Variants in GRIA4 observed in about 807,000 individuals in gnomAD.
The protein encoded by GRIA4 is glutamate ionotropic receptor AMPA type subunit 4.
A neutral mutation model predicts 104.0 loss-of-function variants in GRIA4; 34 were observed. The ratio of observed to expected loss-of-function variants is 0.33; its 90% CI spans 0.25 to 0.44. GRIA4 has a LOEUF of 0.44. Among genes scored for constraint, GRIA4 ranks in the 20% least tolerant of loss-of-function variants. GRIA4 has a pLI of 1.00. For synonymous variants in GRIA4, 386 were observed against 381.9 expected (o/e 1.01, Z -0.13); for missense variants, 750 against 1,096.5 (o/e 0.68, Z 4.46).
chr11:105,692,560 A>G (rs1383540546), intron 3 of GRIA4, among the ~76,000 whole-genome samples: 1 of 152,252 alleles, frequency 6.6e-6, no homozygotes, highest in East Asian at 1.9e-4. Context: ...TCGAAAGGAT[A>G]GCTCACCATA....
intron 4 of GRIA4, among the ~76,000 whole-genome samples, chr11:105,776,390 C>T (rs1054515585): frequency 1.3e-5 from 2 of 152,090 alleles, no homozygotes; most frequent in Non-Finnish European, 2.9e-5. Flanking sequence ...ATGAATATAT[C>T]AAACTTGTTT....
intron 3 of GRIA4, among the ~76,000 whole-genome samples, chr11:105,720,092 A>G (rs1256898332): frequency 6.6e-6 from 1 of 151,818 alleles, no homozygotes; most frequent in African/African-American, 2.4e-5. Flanking sequence ...ATGTGTCAAT[A>G]TGCCAACTTT....
chr11:105,783,744 TTGTGTGTGTGTGTGTGTGTGTGTGTG>T (rs56222983), intron 4 of GRIA4, among the ~76,000 whole-genome samples: 1 of 145,376 alleles, frequency 6.9e-6, no homozygotes, highest in African/African-American at 2.6e-5. Flanking sequence ...TGGATGTTAT[TTGTGTGTGTGTGTGTGTGTGTGTGTG>T]TGTGTGTGTG....
chr11:105,813,026 G>T (rs910311732), intron 4 of GRIA4, among the ~76,000 whole-genome samples: 1 of 149,418 alleles, frequency 6.7e-6, no homozygotes, highest in African/African-American at 2.5e-5. Context: ...CCTGGGAGGC[G>T]GAGCTTGCAG....
chr11:105,870,176 G>A (rs1033202616), intron 5 of GRIA4, among the ~76,000 whole-genome samples: 2 of 150,648 alleles, frequency 1.3e-5, no homozygotes, highest in African/African-American at 2.4e-5. Flanking sequence ...GTGCATGTGT[G>A]ATGAAATATA....
chr11:105,611,681 G>C (rs757836898), intron 2 of GRIA4, among the ~76,000 whole-genome samples: 4 of 152,010 alleles, frequency 2.6e-5, no homozygotes, highest in Non-Finnish European at 4.4e-5. Flanking sequence ...TCTGTTTCCA[G>C]GGACACCCTC....
rs34312836 is a variant in GRIA4, at chr11:105,752,961, T to G, written c.248-20T>G. 2 of 1,607,292 alleles carry G rather than the reference T, an allele frequency of 1.2e-6. No homozygotes were observed. Among genetic ancestry groups the G allele is most frequent in the East Asian group, 2.2e-5 (1 of 44,714 alleles). Reference sequence around the variant, plus strand: ...TTGAGTGTGCTAATAGTTTGTGGTGTTTTCTTCCTCTTGTTTCAGTCTGTT... The same window carrying G: ...TTGAGTGTGCTAATAGTTTGTGGTGGTTTCTTCCTCTTGTTTCAGTCTGTT... On this transcript the variant is annotated intron_variant, in intron 3 of 16. Transcript: ENST00000282499.
At chr11:105,975,118 T>A (rs1463664140) in intron 16 of GRIA4, among the ~76,000 whole-genome samples, 1 of 152,186 alleles carries the variant, frequency 6.6e-6, no homozygotes, top group Non-Finnish European at 1.5e-5. Flanking sequence ...AAATCCCACT[T>A]TTTATTTACC....
intron 4 of GRIA4, among the ~76,000 whole-genome samples, chr11:105,822,638 T>C (rs1159766798): frequency 2.0e-5 from 3 of 152,122 alleles, no homozygotes; most frequent in African/African-American, 7.2e-5. Flanking sequence ...TAAATTTTGT[T>C]TTGCTTTGGT....
chr11:105,662,983 CA>C (rs1221228405), intron 3 of GRIA4, among the ~76,000 whole-genome samples: 1 of 151,784 alleles, frequency 6.6e-6, no homozygotes, highest in Non-Finnish European at 1.5e-5. Context: ...AAGAGTATCT[CA>C]AAACCAGTGA....
chr11:105,632,567 T>C (rs1031776296), intron 3 of GRIA4, among the ~76,000 whole-genome samples: 7 of 152,336 alleles, frequency 4.6e-5, no homozygotes, highest in South Asian at 2.1e-4. Context: ...GTCTAAGTTA[T>C]AAATTAATGG....
chr11:105,691,528 A>T (rs1225502838), intron 3 of GRIA4, among the ~76,000 whole-genome samples: 3 of 152,314 alleles, frequency 2.0e-5, no homozygotes, highest in Non-Finnish European at 4.4e-5. Context: ...ACTATGCCTC[A>T]GTTTCCCCAT....
At chr11:105,685,909 A>AT (rs1952865856) in intron 3 of GRIA4, among the ~76,000 whole-genome samples, 1 of 152,130 alleles carries the variant, frequency 6.6e-6, no homozygotes, top group African/African-American at 2.4e-5. Flanking sequence ...AACAATAAAC[A>AT]TTTTTTAAGT....
chr11:105,838,658 CT>C (rs1944278974), intron 4 of GRIA4, among the ~76,000 whole-genome samples: 1 of 152,128 alleles, frequency 6.6e-6, no homozygotes, highest in Non-Finnish European at 1.5e-5. Flanking sequence ...TGGACACAAG[CT>C]TTTTCTCATA....
At chr11:105,794,469 G>GTGTATATATATATA (rs1427661928) in intron 4 of GRIA4, among the ~76,000 whole-genome samples, 4 of 40,776 alleles carry the variant, frequency 9.8e-5, no homozygotes, top group African/African-American at 2.5e-4. Flanking sequence ...GTGTGTATAT[G>GTGTATATATATATA]TATGTATATA....
At chr11:105,633,431 A>G (rs1330756528) in intron 3 of GRIA4, among the ~76,000 whole-genome samples, 1 of 152,236 alleles carries the variant, frequency 6.6e-6, no homozygotes, top group Non-Finnish European at 1.5e-5. Flanking sequence ...TCCCCTGAAT[A>G]TAGTTCATAG....
intron 9 of GRIA4, among the ~76,000 whole-genome samples, chr11:105,908,567 CTT>C (rs1417302185): frequency 1.4e-5 from 2 of 146,204 alleles, no homozygotes; most frequent in African/African-American, 5.1e-5. Flanking sequence ...CAAAATATGA[CTT>C]TCTCTTTTTT....
At chr11:105,847,967 G>A (rs1944657382) in intron 4 of GRIA4, among the ~76,000 whole-genome samples, 1 of 152,154 alleles carries the variant, frequency 6.6e-6, no homozygotes, top group Non-Finnish European at 1.5e-5. Context: ...TAGTAGACTT[G>A]CTGAGCAGAA....
intron 5 of GRIA4, among the ~76,000 whole-genome samples, chr11:105,870,891 A>G (rs1235083820): frequency 1.3e-5 from 2 of 152,110 alleles, no homozygotes; most frequent in Non-Finnish European, 2.9e-5. Flanking sequence ...ACCAGAAAGA[A>G]GGTAGAAAGC....
Sources: gnomAD v4.1 joint callset for allele counts (sites outside exome capture counted in the v4.1 genomes callset) on GRCh38, gnomAD v4.1.1 for gene constraint, MANE v1.5 for transcripts, NCBI Gene and HGNC (gene_info 2026-07-23, HGNC 2026-07-21) for gene names.